Variants in ST6GAL1 observed in about 807,000 individuals in gnomAD.
ST6GAL1 encodes ST6 beta-galactoside alpha-2,6-sialyltransferase 1, also known as beta-galactoside alpha-2,6-sialyltransferase 1.
A neutral mutation model predicts 38.0 loss-of-function variants in ST6GAL1; 20 were observed. That is an observed-to-expected ratio of 0.53 (90% CI 0.37 to 0.77). ST6GAL1 has a LOEUF of 0.77. Among genes scored for constraint, ST6GAL1 ranks in the 30% least tolerant of loss-of-function variants. ST6GAL1 has a pLI of 0.00. For synonymous variants in ST6GAL1, 196 were observed against 188.2 expected, an observed-to-expected ratio of 1.04 and a Z score of -0.34; for missense variants, 432 against 496.4, an observed-to-expected ratio of 0.87 and a Z score of 1.23.
chr3:187,053,348 G>T (rs1248039602), intron 5 of ST6GAL1, among the ~76,000 whole-genome samples: 1 of 152,100 alleles, frequency 6.6e-6, no homozygotes, highest in African/African-American at 2.4e-5. Context: ...ATTGCTTTTG[G>T]TGTTTTAGTC....
intron 2 of ST6GAL1, among the ~76,000 whole-genome samples, chr3:187,021,321 T>C (rs1346844876): frequency 6.6e-6 from 1 of 152,212 alleles, no homozygotes; most frequent in East Asian, 1.9e-4. Flanking sequence ...TGCTACAGTC[T>C]TGCTAGAATG....
At chr3:187,049,526 T>G (rs1014888410) in intron 4 of ST6GAL1, among the ~76,000 whole-genome samples, 8 of 152,146 alleles carry the variant, frequency 5.3e-5, no homozygotes, top group African/African-American at 1.9e-4. Flanking sequence ...TGTGTTCCTC[T>G]CCTAAAGGCA....
chr3:187,049,662 C>A (rs1296700408), intron 4 of ST6GAL1, among the ~76,000 whole-genome samples: 1 of 152,198 alleles, frequency 6.6e-6, no homozygotes, highest in African/African-American at 2.4e-5. Flanking sequence ...GTGTTGATTT[C>A]TTTAAACTCT....
intron 2 of ST6GAL1, among the ~76,000 whole-genome samples, chr3:186,969,051 C>CTTTTTTT (rs34520153): frequency 2.2e-5 from 2 of 89,236 alleles, no homozygotes; most frequent in African/African-American, 4.1e-5. Context: ...TTCTCTTTTT[C>CTTTTTTT]TTTTTTTTTT....
chr3:186,980,760 C>A (rs1715670880), intron 2 of ST6GAL1, among the ~76,000 whole-genome samples: 1 of 99,184 alleles, frequency 1.0e-5, no homozygotes. Context: ...GACAGAGACT[C>A]CATCTCAAAA....
chr3:187,042,714 C>A lies in ST6GAL1; in HGVS notation c.11C>A (p.Thr4Asn), dbSNP rs754480789. The A allele has an allele frequency of 2.5e-6, 4 of 1,609,754 alleles. No individual in the cohort carries two copies. Among genetic ancestry groups the A allele is most frequent in the Non-Finnish European group, 2.5e-6 (3 of 1,178,022 alleles). Residue 4 changes from threonine to asparagine, a missense_variant, in exon 4 of 8, where the codon ACC (threonine) becomes AAC (asparagine). Physicochemically the swap from Thr to Asn is moderately conservative, Grantham distance 65 (BLOSUM62 0). Transcript: ENST00000169298. MIH[T>N]NLKKKFSCCV... ...GAACACATCTTCATTATGATTCACA[C>A]CAACCTGAAGAAAAAGTTCAGCTGC...
chr3:187,050,534 A>AAGAGAGAGAGAGAGAGAGAGAGAG (rs147505225), intron 4 of ST6GAL1, among the ~76,000 whole-genome samples: 2 of 87,740 alleles, frequency 2.3e-5, no homozygotes, highest in African/African-American at 6.2e-5. Flanking sequence ...CTTACAAAGA[A>AAGAGAGAGAGAGAGAGAGAGAGAG]AGAGAGAGAG....
chr3:187,075,473 G>C lies in ST6GAL1; in HGVS notation c.980-89G>C. 1 of 1,539,056 alleles carries C rather than the reference G, an allele frequency of 6.5e-7. No individual in the cohort carries two copies. Among genetic ancestry groups the C allele is most frequent in the Non-Finnish European group, 8.8e-7 (1 of 1,140,282 alleles). ...TCCAGAGGGAAAGCTCTCCAAATTT[G>C]GGGTCATGAGCTGCTGAACCCACTG... On this transcript the variant is annotated intron_variant, in intron 7 of 7. Coordinates refer to ENST00000169298, the MANE Select transcript of ST6GAL1 (RefSeq NM_173216.2). The surrounding 1 kb of genome is among the most constrained non-coding windows in gnomAD (Gnocchi z 4.1).
intron 2 of ST6GAL1, among the ~76,000 whole-genome samples, chr3:186,978,621 A>G (rs559711054): frequency 6.6e-6 from 1 of 152,332 alleles, no homozygotes; most frequent in Admixed American, 6.5e-5. Flanking sequence ...TTCGTGCTCC[A>G]TCAAAGCTCC....
At chr3:186,975,597 T>C (rs1219286372) in intron 2 of ST6GAL1, among the ~76,000 whole-genome samples, 1 of 152,206 alleles carries the variant, frequency 6.6e-6, no homozygotes, top group Non-Finnish European at 1.5e-5. Context: ...CCACAGTGTG[T>C]TCTTCCATGG....
rs1428838388 is a variant in ST6GAL1, at chr3:187,012,723, G to A, written c.-182-26019G>A. 2.6e-5 allele frequency among the ~76,000 whole-genome samples: 4 copies of A among 152,350 alleles called. No homozygotes were observed. The East Asian group carries it at 7.7e-4, about 29-fold the overall frequency. ...AGACTGGGTGCCAGGCCGTAGGGCT[G>A]CCAGCCTGCCTGTGATTTCTCTCTG... On this transcript the variant is annotated intron_variant, in intron 2 of 7. Transcript: ENST00000169298.
chr3:186,937,334 C>T (rs1713997849), intron 1 of ST6GAL1, among the ~76,000 whole-genome samples: 1 of 152,250 alleles, frequency 6.6e-6, no homozygotes, highest in South Asian at 2.1e-4. Flanking sequence ...TCTGCCTTTC[C>T]CACCATTGCC....
intron 2 of ST6GAL1, among the ~76,000 whole-genome samples, chr3:186,990,059 C>T (rs1265823511): frequency 1.3e-5 from 2 of 152,128 alleles, no homozygotes; most frequent in African/African-American, 2.4e-5. Flanking sequence ...TTCTTGACTG[C>T]GTCTTGCTCT....
At chr3:186,972,629 C>T (rs1343150123) in intron 2 of ST6GAL1, among the ~76,000 whole-genome samples, 6 of 152,112 alleles carry the variant, frequency 3.9e-5, no homozygotes, top group African/African-American at 1.2e-4. Context: ...CCACATAACA[C>T]GGCTCATGTG....
intron 1 of ST6GAL1, among the ~76,000 whole-genome samples, chr3:186,939,368 C>T (rs1389323443): frequency 2.0e-5 from 3 of 152,150 alleles, no homozygotes; most frequent in East Asian, 3.8e-4. Context: ...CCACTGTGCC[C>T]AGCTTCCAAC....
chr3:186,936,614 A>G (rs192929432), intron 1 of ST6GAL1, among the ~76,000 whole-genome samples: 1 of 152,180 alleles, frequency 6.6e-6, no homozygotes, highest in Non-Finnish European at 1.5e-5. Flanking sequence ...GAATCAATGT[A>G]GTGATTTAAA....
intron 1 of ST6GAL1, among the ~76,000 whole-genome samples, chr3:186,935,192 C>T (rs1190530985): frequency 2.6e-5 from 4 of 151,934 alleles, no homozygotes; most frequent in African/African-American, 7.3e-5. Flanking sequence ...TGGTGTCTGT[C>T]GTTTCCCCTC....
At chr3:187,002,901 A>G (rs1448096305) in intron 2 of ST6GAL1, among the ~76,000 whole-genome samples, 1 of 152,250 alleles carries the variant, frequency 6.6e-6, no homozygotes, top group Non-Finnish European at 1.5e-5. Context: ...GCAAGAAGCA[A>G]GTTTAATTAA....
chr3:186,957,168 C>T (rs960164535), intron 1 of ST6GAL1, among the ~76,000 whole-genome samples: 2 of 152,166 alleles, frequency 1.3e-5, no homozygotes, highest in African/African-American at 4.8e-5. Flanking sequence ...ATGTGCTGGG[C>T]GCGGTGGCTC....
Sources: allele counts gnomAD v4.1 joint callset (sites outside exome capture counted in the v4.1 genomes callset), GRCh38; gene constraint gnomAD v4.1.1; non-coding constraint Gnocchi (gnomAD v3.1); transcripts MANE v1.5; gene names NCBI Gene and HGNC (gene_info 2026-07-23, HGNC 2026-07-21).